Variants in TENM3 observed in about 807,000 individuals in gnomAD.
TENM3 encodes the protein teneurin transmembrane protein 3, also known as teneurin-3.
In TENM3, 63 loss-of-function variants were observed where a neutral mutation model predicts 255.1. That is an observed-to-expected ratio of 0.25 (90% confidence interval 0.20 to 0.30). The LOEUF is 0.30. Ranked by LOEUF, TENM3 falls within the 10% of genes least tolerant of loss-of-function variation. The pLI, the probability that TENM3 is intolerant of heterozygous loss-of-function variation, is 1.00. For missense variants in TENM3, 2,929 were observed against 3,461.1 expected (o/e 0.85, Z 3.86); for synonymous variants, 1,306 against 1,322.3 (o/e 0.99, Z 0.27).
At chr4:182,075,467 G>A in the TENM3 span, among the ~76,000 whole-genome samples, 55 of 152,152 alleles carry the variant, frequency 3.6e-4, no homozygotes, top group African/African-American at 1.3e-3. Context: ...CAAAGTGCTG[G>A]GATTACAGGT....
the TENM3 span, among the ~76,000 whole-genome samples, chr4:182,029,243 T>G: frequency 6.6e-6 from 1 of 152,022 alleles, no homozygotes; most frequent in Non-Finnish European, 1.5e-5. Context: ...GGGGTTCTCA[T>G]GAATGGTTTA....
At chr4:182,259,641 A>C (rs1758653784) in intron 1 of TENM3, among the ~76,000 whole-genome samples, 1 of 152,148 alleles carries the variant, frequency 6.6e-6, no homozygotes, top group South Asian at 2.1e-4. Context: ...ATTGATATGT[A>C]ACAGATGTAC....
chr4:181,515,980 T>C, the TENM3 span, among the ~76,000 whole-genome samples: 1 of 152,122 alleles, frequency 6.6e-6, no homozygotes, highest in Admixed American at 6.5e-5. Context: ...ATAAAGAAAA[T>C]ATGGTACATA....
At chr4:182,318,164 A>C (rs1762852606) in intron 1 of TENM3, among the ~76,000 whole-genome samples, 1 of 152,194 alleles carries the variant, frequency 6.6e-6, no homozygotes. Flanking sequence ...TTGTACAGAA[A>C]ACAGATAAAA....
chr4:181,568,231 T>C, the TENM3 span, among the ~76,000 whole-genome samples: 2 of 150,346 alleles, frequency 1.3e-5, no homozygotes, highest in Non-Finnish European at 3.0e-5. Flanking sequence ...TGGTGTAGTC[T>C]CAGCTCACTG....
chr4:182,580,017 TGCTGCTGTTTC>T (rs1745333674), intron 3 of TENM3, among the ~76,000 whole-genome samples: 2 of 152,312 alleles, frequency 1.3e-5, no homozygotes, highest in East Asian at 3.9e-4. Flanking sequence ...TTGCTGCTGC[TGCTGCTGTTTC>T]TGTTGTTTTA....
intron 3 of TENM3, among the ~76,000 whole-genome samples, chr4:182,437,757 C>T (rs891138311): frequency 4.6e-5 from 7 of 151,204 alleles, no homozygotes; most frequent in Non-Finnish European, 8.8e-5. Context: ...GAGATCGCAC[C>T]ACCGCACTTC....
At chr4:181,660,040 G>A in the TENM3 span, among the ~76,000 whole-genome samples, 1 of 152,126 alleles carries the variant, frequency 6.6e-6, no homozygotes, top group Non-Finnish European at 1.5e-5. Context: ...GGGAGCTGCA[G>A]AAATAAACAT....
chr4:182,729,902 A>G (rs951544144), intron 14 of TENM3, among the ~76,000 whole-genome samples: 1 of 152,170 alleles, frequency 6.6e-6, no homozygotes, highest in African/African-American at 2.4e-5. Context: ...ACTTATGAAA[A>G]AAGCACAGAG....
chr4:181,670,859 T>C, the TENM3 span, among the ~76,000 whole-genome samples: 1 of 152,186 alleles, frequency 6.6e-6, no homozygotes, highest in Non-Finnish European at 1.5e-5. Flanking sequence ...TAACGCACAT[T>C]TATTACAAAA....
rs566092920 is a variant in TENM3, at chr4:182,754,270, T to C, written c.4018-115T>C. 1 of 1,101,220 alleles carries C rather than the reference T, an allele frequency of 9.1e-7. No homozygotes were observed. Among genetic ancestry groups the C allele is most frequent in the African/African-American group, 1.6e-5 (1 of 63,158 alleles). The allele number at this position is 1,101,220 out of a possible 1,614,324, so 68.2% of individuals were successfully genotyped here. A position where few individuals can be genotyped will look rare whatever the true frequency, so the allele number is the denominator to read the frequency against. On this transcript the variant is annotated intron_variant, in intron 21 of 27. Coordinates refer to ENST00000511685, the MANE Select transcript of TENM3 (RefSeq NM_001080477.4). This position sits in a 1 kb window ranked among gnomAD's most constrained non-coding sequence, Gnocchi z 5.1. ...ACTGAGGCTATTGAAAAAACTATTA[T>C]CAGACAGTTTATCTCAGATTAATGC...
intron 22 of TENM3, among the ~76,000 whole-genome samples, chr4:182,757,928 C>CA (rs1347945905): frequency 1.3e-5 from 2 of 151,918 alleles, no homozygotes. Context: ...TACACTATTC[C>CA]AAAAAGCATT....
chr4:182,105,104 T>C, the TENM3 span, among the ~76,000 whole-genome samples: 1 of 152,082 alleles, frequency 6.6e-6, no homozygotes, highest in Non-Finnish European at 1.5e-5. Context: ...TCCCAGCTAC[T>C]CCGGAGGCTG....
chr4:181,671,002 A>G, the TENM3 span, among the ~76,000 whole-genome samples: 6 of 152,314 alleles, frequency 3.9e-5, no homozygotes, highest in African/African-American at 1.4e-4. Context: ...AAGAATACAT[A>G]TTTATTTAAG....
intron 1 of TENM3, among the ~76,000 whole-genome samples, chr4:182,177,010 C>A (rs1268409836): frequency 6.6e-6 from 1 of 151,714 alleles, no homozygotes; most frequent in Non-Finnish European, 1.5e-5. Flanking sequence ...AGGAGATGGA[C>A]AGGACAGACA....
the TENM3 span, among the ~76,000 whole-genome samples, chr4:181,860,981 AG>A: frequency 8.6e-5 from 13 of 151,926 alleles, no homozygotes; most frequent in Admixed American, 3.3e-4. Flanking sequence ...TCTCACAAAC[AG>A]GGGTTGATAT....
the TENM3 span, among the ~76,000 whole-genome samples, chr4:181,953,636 C>T: frequency 3.3e-5 from 5 of 151,764 alleles, no homozygotes; most frequent in East Asian, 5.8e-4. Flanking sequence ...GCCAAGATTG[C>T]GCCACTGCAC....
the TENM3 span, among the ~76,000 whole-genome samples, chr4:182,048,676 C>T: frequency 2.0e-5 from 3 of 151,984 alleles, no homozygotes; most frequent in Admixed American, 2.0e-4. Context: ...CATTCAAGTG[C>T]CAAAAAAGAA....
the TENM3 span, among the ~76,000 whole-genome samples, chr4:181,939,974 G>A: frequency 5.9e-5 from 9 of 152,302 alleles, no homozygotes; most frequent in African/African-American, 1.2e-4. Flanking sequence ...AATTGACTGA[G>A]TGGAGAAACA....
Sources: gnomAD v4.1 joint callset for allele counts (sites outside exome capture counted in the v4.1 genomes callset) on GRCh38, gnomAD v4.1.1 for gene constraint, Gnocchi (gnomAD v3.1) non-coding constraint, MANE v1.5 for transcripts, NCBI Gene and HGNC (gene_info 2026-07-23, HGNC 2026-07-21) for gene names.